NINJ2: variants seen among roughly 807,000 people sequenced by gnomAD.
NINJ2 encodes ninjurin 2.
A neutral mutation model predicts 11.7 loss-of-function variants in NINJ2; 12 were observed. The observed-to-expected ratio is 1.02, with a 90% CI of 0.66 to 1.66. The LOEUF is 1.66. Among genes scored for constraint, NINJ2 ranks in the 40% most tolerant of loss-of-function variants. NINJ2 has a pLI of 0.00. For synonymous variants in NINJ2, 93 were observed against 76.8 expected (o/e 1.21, Z -1.10); for missense variants, 187 against 181.8 (o/e 1.03, Z -0.16).
intron 1 of NINJ2, among the ~76,000 whole-genome samples, chr12:600,902 G>A (rs1947858218): frequency 6.6e-6 from 1 of 152,066 alleles, no homozygotes; most frequent in Non-Finnish European, 1.5e-5. Context: ...TAGTATTTAT[G>A]TAATTTAAAA....
intron 2 of NINJ2, 142 bp from the exon 3 acceptor site, chr12:565,543 G>C (rs1359045288): frequency 1.6e-5 from 14 of 861,446 alleles, no homozygotes; most frequent in Admixed American, 4.9e-5. Flanking sequence ...TCGTCATCGG[G>C]CTGAGATGCC....
In NINJ2 at chr12:663,311, T is replaced by G. The variant is rs769346520; in HGVS notation, c.33+17A>C. On this transcript the variant is annotated intron_variant, in intron 1 of 3. Transcript: ENST00000305108. ...TACTCCCGGTCTCCCCTCTGCTCTC[T>G]TCCAGAGAGAACTTACTTGAAGGTC... 7.4e-6 allele frequency: 12 copies of G among 1,613,162 alleles called. No homozygotes were observed. The highest frequency in any genetic ancestry group is 1.0e-5 in the Non-Finnish European group (12 of 1,179,522).
chr12:625,087 A>G (rs1358780958), intron 1 of NINJ2, among the ~76,000 whole-genome samples: 1 of 144,840 alleles, frequency 6.9e-6, no homozygotes, highest in African/African-American at 2.5e-5. Flanking sequence ...GGGCAACAAG[A>G]GAGAGACTTC....
At chr12:631,358 TTTTA>T (rs774337719) in intron 1 of NINJ2, among the ~76,000 whole-genome samples, 35 of 152,142 alleles carry the variant, frequency 2.3e-4, no homozygotes, top group Admixed American at 5.9e-4. Flanking sequence ...TTTGTTAAAT[TTTTA>T]TTTATTTATT....
chr12:573,648 C>T (rs369615241), intron 1 of NINJ2, among the ~76,000 whole-genome samples: 2 of 152,174 alleles, frequency 1.3e-5, no homozygotes, highest in East Asian at 3.9e-4. Context: ...ACATATGCAG[C>T]CTAAGATGAA....
chr12:654,290 G>A (rs1289868978), intron 1 of NINJ2, among the ~76,000 whole-genome samples: 1 of 152,084 alleles, frequency 6.6e-6, no homozygotes, highest in Admixed American at 6.5e-5. Context: ...TTGGGAGGCC[G>A]AGGTGGGCAG....
intron 1 of NINJ2, among the ~76,000 whole-genome samples, chr12:647,973 G>A (rs1051026519): frequency 5.3e-5 from 8 of 152,168 alleles, no homozygotes; most frequent in African/African-American, 1.7e-4. Flanking sequence ...TCCATTAATG[G>A]TGTAGTAATG....
At chr12:603,150 G>C (rs1360557221) in intron 1 of NINJ2, among the ~76,000 whole-genome samples, 1 of 152,074 alleles carries the variant, frequency 6.6e-6, no homozygotes, top group South Asian at 2.1e-4. Flanking sequence ...TTGCGGTTTT[G>C]AGTTTATATT....
intron 1 of NINJ2, among the ~76,000 whole-genome samples, chr12:621,063 T>C (rs942439885): frequency 6.6e-6 from 1 of 152,216 alleles, no homozygotes; most frequent in Non-Finnish European, 1.5e-5. Flanking sequence ...CCTGAGTCTC[T>C]AGCTTCACGT....
chr12:652,536 A>G (rs1937809418), intron 1 of NINJ2, among the ~76,000 whole-genome samples: 1 of 152,168 alleles, frequency 6.6e-6, no homozygotes, highest in Non-Finnish European at 1.5e-5. Context: ...TTCCAGAAAG[A>G]AGGAAAATGA....
At chr12:629,896 A>AAAAAAAAAAATAAATAT in intron 1 of NINJ2, among the ~76,000 whole-genome samples, 1 of 9,892 alleles carries the variant, frequency 1.0e-4, no homozygotes, top group African/African-American at 1.5e-4. Context: ...AAAAAAAAAA[A>AAAAAAAAAAATAAATAT]ATATATATAT....
At chr12:617,683 G>A (rs11615697) in intron 1 of NINJ2, among the ~76,000 whole-genome samples, 22,346 of 152,150 alleles carry the variant, frequency 0.15, 2,049 homozygotes, top group South Asian at 0.26. Context: ...CGCTGGCGTC[G>A]CCGTGTTTTC....
At chr12:586,651 T>C (rs1947642438) in intron 1 of NINJ2, among the ~76,000 whole-genome samples, 1 of 152,172 alleles carries the variant, frequency 6.6e-6, no homozygotes, top group Admixed American at 6.5e-5. Flanking sequence ...AACCTTCCCG[T>C]TTTACAAATC....
At chr12:650,097 A>C (rs1426784114) in intron 1 of NINJ2, among the ~76,000 whole-genome samples, 1 of 121,244 alleles carries the variant, frequency 8.2e-6, no homozygotes, top group Non-Finnish European at 1.8e-5. Context: ...TTTTTTTTGG[A>C]GGCAAGGGAT....
At chr12:566,717 T>C (rs1014257872) in intron 1 of NINJ2, among the ~76,000 whole-genome samples, 3 of 152,264 alleles carry the variant, frequency 2.0e-5, no homozygotes, top group South Asian at 2.1e-4. Flanking sequence ...GCTGCCGCCC[T>C]GCTCAGGCAC....
chr12:655,345 C>T (rs1365904379), intron 1 of NINJ2, among the ~76,000 whole-genome samples: 1 of 152,194 alleles, frequency 6.6e-6, no homozygotes, highest in Non-Finnish European at 1.5e-5. Flanking sequence ...TTGCAGATGA[C>T]ATGATTGTCT....
At chr12:617,672 C>T (rs1948109576) in intron 1 of NINJ2, among the ~76,000 whole-genome samples, 1 of 152,232 alleles carries the variant, frequency 6.6e-6, no homozygotes, top group South Asian at 2.1e-4. Flanking sequence ...AGCTGCAGCC[C>T]CGCTGGCGTC....
At chr12:620,311 T>C (rs578151555) in intron 1 of NINJ2, among the ~76,000 whole-genome samples, 4 of 152,368 alleles carry the variant, frequency 2.6e-5, no homozygotes, top group African/African-American at 9.6e-5. Flanking sequence ...TCTTCATCTA[T>C]AAAATAAACA....
intron 1 of NINJ2, among the ~76,000 whole-genome samples, chr12:603,593 G>A (rs1486970489): frequency 6.6e-6 from 1 of 151,788 alleles, no homozygotes; most frequent in Non-Finnish European, 1.5e-5. Flanking sequence ...TATGAGGTAA[G>A]AGTCCAACTT....
Sources: gnomAD v4.1 joint callset for allele counts (sites outside exome capture counted in the v4.1 genomes callset) on GRCh38, gnomAD v4.1.1 for gene constraint, MANE v1.5 for transcripts, NCBI Gene and HGNC (gene_info 2026-07-23, HGNC 2026-07-21) for gene names.